SLC35F5: variants seen among roughly 807,000 people sequenced by gnomAD.
SLC35F5 encodes HCV NS5A-transactivated protein 3.
In SLC35F5, 54 loss-of-function variants were observed where a neutral mutation model predicts 68.6. That is an observed-to-expected ratio of 0.79 (90% CI 0.63 to 0.99). The LOEUF (loss-of-function observed/expected upper bound fraction) is 0.99. SLC35F5 is among the 50% of genes least tolerant of loss of function. SLC35F5 has a pLI of 0.00. For missense variants in SLC35F5, 567 were observed against 626.9 expected (o/e 0.90, Z 1.02); for synonymous variants, 211 against 205.2 (o/e 1.03, Z -0.24).
intron 13 of SLC35F5, chr2:113,721,168 C>T (rs1027862666): frequency 1.6e-4 from 25 of 151,634 alleles, no homozygotes; most frequent in African/African-American, 6.1e-4. Flanking sequence ...ACCTAAAAAC[C>T]CTATAAAAGT....
downstream of SLC35F5, among the ~76,000 whole-genome samples, chr2:113,706,196 A>G (rs935376393): frequency 6.6e-6 from 1 of 152,196 alleles, no homozygotes; most frequent in African/African-American, 2.4e-5. Flanking sequence ...AGTCGACACC[A>G]GAGGGATACC....
chr2:113,746,126 A>C (rs1676473639), intron 5 of SLC35F5, 151 bp downstream of exon 5: 1 of 622,624 alleles, frequency 1.6e-6, no homozygotes, highest in African/African-American at 1.8e-5. Context: ...AAGGAGAAAA[A>C]AAGTACCAAA....
rs777511873 is a variant in SLC35F5, at chr2:113,719,300, A to G, written c.1350T>C (p.Phe450=). The G allele has an allele frequency of 1.3e-6, 2 of 1,540,214 alleles. No homozygotes were observed. Among genetic ancestry groups the G allele is most frequent in the East Asian group, 4.6e-5 (2 of 43,024 alleles). ...IADMCMQKVQ[F]SWLFFAGAIP... is the part of the protein sequence containing the mutation. ...TAGCTCCTGCAAAAAATAACCAAGA[A>G]AACTGCACCTAAAAATAAAAGATAG... Residue 450 remains phenylalanine (F), a synonymous_variant, in exon 14 of 16, where the codon TTT becomes TTC. Coordinates refer to ENST00000245680, the MANE Select transcript of SLC35F5 (RefSeq NM_025181.5).
At position 113,756,173 on chromosome 2, in the gene SLC35F5, A is replaced by G. The variant is rs975706406; in HGVS notation, c.40+197T>C. The G allele has an allele frequency of 5.5e-6, 8 of 1,459,316 alleles. No individual in the cohort carries two copies. In the African/African-American group the frequency reaches 5.7e-5, roughly 10 times the overall value. The allele number at this position is 1,459,316 out of a possible 1,614,324, so 90.4% of individuals were successfully genotyped here. On this transcript the variant is annotated intron_variant, in intron 1 of 15. Coordinates refer to ENST00000245680, the MANE Select transcript of SLC35F5 (RefSeq NM_025181.5). Reference sequence around the variant, plus strand: ...GGGGAGCCGAGGCGAGGGCGCACGCACGGCTTCCTCAATTGCCAGCGGTGG... The same window carrying G: ...GGGGAGCCGAGGCGAGGGCGCACGCGCGGCTTCCTCAATTGCCAGCGGTGG...
chr2:113,728,780 A>C (rs76603659), intron 11 of SLC35F5, among the ~76,000 whole-genome samples: 3 of 152,180 alleles, frequency 2.0e-5, no homozygotes, highest in Non-Finnish European at 4.4e-5. Flanking sequence ...TATCTTGTCA[A>C]TGTGTTCTTC....
chr2:113,744,211 G>A (rs2104466736), intron 5 of SLC35F5, among the ~76,000 whole-genome samples: 1 of 152,222 alleles, frequency 6.6e-6, no homozygotes, highest in African/African-American at 2.4e-5. Context: ...GTGAATAAAA[G>A]CAGTCTCTTC....
intron 9 of SLC35F5, chr2:113,733,373 T>C (rs1687968964): frequency 5.5e-6 from 2 of 364,408 alleles, no homozygotes; most frequent in Non-Finnish European, 1.1e-5. Context: ...ACAAGTTCAA[T>C]ATTTTATATC....
intron 3 of SLC35F5, among the ~76,000 whole-genome samples, chr2:113,751,897 G>T (rs1676758668): frequency 6.6e-6 from 1 of 151,846 alleles, no homozygotes; most frequent in Non-Finnish European, 1.5e-5. Context: ...AGGGCATCTT[G>T]TGGTGGAAAG....
chr2:113,735,108 T>C (rs143792261), intron 8 of SLC35F5, among the ~76,000 whole-genome samples: 13 of 152,168 alleles, frequency 8.5e-5, no homozygotes, highest in Admixed American at 2.6e-4. Context: ...AAATAAGCAA[T>C]TACATTTTAG....
At chr2:113,727,449 G>A (rs745573648) in intron 11 of SLC35F5, among the ~76,000 whole-genome samples, 7 of 152,024 alleles carry the variant, frequency 4.6e-5, no homozygotes, top group Non-Finnish European at 7.4e-5. Flanking sequence ...ACACCAAAAC[G>A]TGGCATTACC....
rs189488513 is a variant in SLC35F5, at chr2:113,728,729, A to G, written c.1090+672T>C. Among the ~76,000 whole-genome samples the G allele has an allele frequency of 1.7e-4, 26 of 152,278 alleles. 1 individual carries two copies. In the East Asian group the frequency reaches 4.8e-3, roughly 28 times the overall value. On this transcript the variant is annotated intron_variant, in intron 11 of 15. Transcript: ENST00000245680. ...GCTGCACTTTGAACTCTTATCATGG[A>G]GCTTCTTTATCTATTTATATTCAGA...
chr2:113,756,578 G>T lies in SLC35F5; in HGVS notation c.-169C>A. Reference sequence around the variant, plus strand: ...CCACCCAACTCCACTCGGCCCAGGAGGGCGTGGAGCGGGTGAGGGGAAGGG... The same window carrying T: ...CCACCCAACTCCACTCGGCCCAGGATGGCGTGGAGCGGGTGAGGGGAAGGG... On this transcript the variant is annotated 5_prime_UTR_variant, in exon 1 of 16. Transcript: ENST00000245680. 5.6e-6 allele frequency: 8 copies of T among 1,433,726 alleles called. No individual in the cohort carries two copies. The highest frequency in any genetic ancestry group is 7.3e-6 in the Non-Finnish European group (8 of 1,096,726). 88.8% of individuals were successfully genotyped at this position (1,433,726 alleles called of 1,614,324 possible).
chr2:113,729,917 G>A (rs1559335117), intron 10 of SLC35F5, among the ~76,000 whole-genome samples: 1 of 152,034 alleles, frequency 6.6e-6, no homozygotes, highest in Non-Finnish European at 1.5e-5. Flanking sequence ...GCTGTTGCTT[G>A]TATTGTCTTC....
Position 113,755,184 on chromosome 2 carries a change from G to C in SLC35F5, c.254C>G (p.Ala85Gly). The change falls in exon 3 of 16, where the codon GCT (alanine) becomes GGT (glycine). Residue 85 changes from alanine to glycine, a missense_variant. By Grantham distance (60) the Ala-to-Gly change is moderately conservative. Coordinates refer to ENST00000245680, the MANE Select transcript of SLC35F5 (RefSeq NM_025181.5). ...ILLLVDVIWV[A>G]SSELTSYVFT... ...ACATACCGAAGTAAGTTCAGAGGAA[G>C]CAACCCATATCACATCAACAAGCAG... is the stretch of plus-strand genomic sequence containing the variant. The C allele has an allele frequency of 6.2e-7, 1 of 1,613,978 alleles. No individual in the cohort carries two copies. The highest frequency in any genetic ancestry group is 8.5e-7 in the Non-Finnish European group (1 of 1,179,976).
At chr2:113,755,723 T>C in intron 1 of SLC35F5, 179 bp from the exon 2 acceptor site, 1 of 1,061,946 alleles carries the variant, frequency 9.4e-7, no homozygotes. Context: ...ACGCTTCAGA[T>C]TATACTTAGA....
chr2:113,728,941 A>G (rs2104430551), intron 11 of SLC35F5, among the ~76,000 whole-genome samples: 1 of 152,370 alleles, frequency 6.6e-6, no homozygotes, highest in Non-Finnish European at 1.5e-5. Context: ...TGCAAATGAA[A>G]AGCATTTAAA....
At chr2:113,733,642 A>C (rs1217493313) in intron 9 of SLC35F5, among the ~76,000 whole-genome samples, 1 of 152,222 alleles carries the variant, frequency 6.6e-6, no homozygotes, top group Admixed American at 6.5e-5. Flanking sequence ...TTACCCTTAT[A>C]ACTAAAAAAG....
chr2:113,717,635 GC>G, intron 15 of SLC35F5, 117 bp downstream of exon 15: 1 of 622,420 alleles, frequency 1.6e-6, no homozygotes, highest in Non-Finnish European at 2.7e-6. Flanking sequence ...CCAGGCTTTA[GC>G]CCCTTTAGCC....
chr2:113,743,740 C>T lies in SLC35F5; in HGVS notation c.535G>A (p.Glu179Lys). Residue 179 changes from glutamate (E) to lysine (K), a missense_variant, in exon 6 of 16, where the codon GAG becomes AAG. By Grantham distance (56) the Glu-to-Lys change is moderately conservative. Coordinates refer to ENST00000245680, the MANE Select transcript of SLC35F5 (RefSeq NM_025181.5). ...KFHDLPSEKP[E>K]STNIDTEKTP... The stretch of plus-strand genomic sequence containing the variant: ...TTTTCAGTATCAATGTTTGTGCTCT[C>T]AGGTTTTTCACTTGGAAGATCATGG... The T allele has an allele frequency of 6.2e-7, 1 of 1,612,434 alleles. No homozygotes were observed. Among genetic ancestry groups the T allele is most frequent in the East Asian group, 2.2e-5 (1 of 44,824 alleles).
Sources: gnomAD v4.1 joint callset for allele counts (sites outside exome capture counted in the v4.1 genomes callset) on GRCh38, gnomAD v4.1.1 for gene constraint, MANE v1.5 for transcripts, NCBI Gene and HGNC (gene_info 2026-07-23, HGNC 2026-07-21) for gene names.